Variants in ZCCHC14 observed in about 807,000 individuals in gnomAD.
ZCCHC14 encodes the protein zinc finger CCHC domain-containing protein 14.
Under a neutral mutation model 85.0 loss-of-function variants are expected in ZCCHC14, and 16 were observed. The observed-to-expected ratio is 0.19, with a 90% CI of 0.13 to 0.29. The LOEUF (loss-of-function observed/expected upper bound fraction) is 0.29, where lower values mean the gene tolerates loss of function less well. Among genes scored for constraint, ZCCHC14 ranks in the 10% least tolerant of loss-of-function variants. The pLI is 1.00. For synonymous variants in ZCCHC14, 775 were observed against 630.7 expected (o/e 1.23, Z -3.43); for missense variants, 1,303 against 1,443.5 (o/e 0.90, Z 1.58).
At chr16:87,419,572 A>T (rs1908981613) in intron 6 of ZCCHC14, among the ~76,000 whole-genome samples, 1 of 152,168 alleles carries the variant, frequency 6.6e-6, no homozygotes, top group African/African-American at 2.4e-5. Context: ...AAGTATTGGG[A>T]TTATAGGCGT....
chr16:87,415,159 G>A (rs1230906821), intron 9 of ZCCHC14, 117 bp downstream of exon 9: 3 of 769,448 alleles, frequency 3.9e-6, no homozygotes, highest in Middle Eastern at 2.3e-4. Context: ...GCTAAGGACT[G>A]GATAAGCAAC....
chr16:87,417,826 T>C (rs909202373), intron 7 of ZCCHC14, 84 bp from the exon 8 acceptor site: 7 of 1,437,566 alleles, frequency 4.9e-6, no homozygotes, highest in Non-Finnish European at 6.4e-6. Context: ...TTCCAGGCCT[T>C]TCTGTGCCAG....
In ZCCHC14 at chr16:87,411,790, C is replaced by T. The variant is rs1908456599; in HGVS notation, c.2931G>A (p.Gln977=). 5 of 1,611,172 alleles carry T rather than the reference C, an allele frequency of 3.1e-6. No individual in the cohort carries two copies. Among genetic ancestry groups the T allele is most frequent in the Non-Finnish European group, 4.2e-6 (5 of 1,178,634 alleles). Residue 977 remains glutamine, a synonymous_variant, in exon 12 of 13, where the codon CAG becomes CAA. Transcript: ENST00000671377. ...MCSSGYVSAQ[Q]YGGGSTFPVV... ...CGGGGAAGGTGGAGCCGCCGCCGTA[C>T]TGCTGGGCGCTGACGTAGCCGCTGC... is the stretch of plus-strand genomic sequence containing the variant.
chr16:87,441,603 A>G (rs1910188499), intron 2 of ZCCHC14, among the ~76,000 whole-genome samples: 1 of 152,250 alleles, frequency 6.6e-6, no homozygotes, highest in Admixed American at 6.5e-5. Flanking sequence ...AATCTGAACT[A>G]GAACTCTGAT....
intron 1 of ZCCHC14, among the ~76,000 whole-genome samples, chr16:87,485,590 CAAA>C (rs35083614): frequency 2.0e-5 from 2 of 98,640 alleles, no homozygotes; most frequent in South Asian, 3.6e-4. Context: ...GGCAGTTTTC[CAAA>C]AAAAAAAAAA....
intron 3 of ZCCHC14, among the ~76,000 whole-genome samples, chr16:87,430,678 C>A (rs974660684): frequency 6.6e-6 from 1 of 152,016 alleles, no homozygotes; most frequent in African/African-American, 2.4e-5. Context: ...CCCGCCACCG[C>A]GCCCGGCTAA....
intron 2 of ZCCHC14, among the ~76,000 whole-genome samples, chr16:87,458,004 A>ACAGCTCACATGAGAGT (rs1240610735): frequency 1.3e-5 from 2 of 152,150 alleles, no homozygotes; most frequent in African/African-American, 4.8e-5. Context: ...AGGCTTTGCC[A>ACAGCTCACATGAGAGT]CAGCTCACAT....
chr16:87,437,101 C>G (rs896711756), intron 2 of ZCCHC14, among the ~76,000 whole-genome samples: 1 of 152,022 alleles, frequency 6.6e-6, no homozygotes, highest in African/African-American at 2.4e-5. Context: ...CTTTGGGAGG[C>G]TGAGGCAGGT....
intron 1 of ZCCHC14, among the ~76,000 whole-genome samples, chr16:87,483,118 C>A (rs908230550): frequency 6.6e-6 from 1 of 151,688 alleles, no homozygotes; most frequent in Non-Finnish European, 1.5e-5. Context: ...CAAATACATG[C>A]AATTCCTACT....
chr16:87,432,845 T>C (rs184874144), intron 3 of ZCCHC14, among the ~76,000 whole-genome samples: 32 of 152,248 alleles, frequency 2.1e-4, no homozygotes, highest in Middle Eastern at 3.4e-3. Flanking sequence ...GGCTGCCTCA[T>C]CCAGTTCTGC....
chr16:87,453,445 T>C (rs879529614), intron 2 of ZCCHC14, among the ~76,000 whole-genome samples: 1 of 152,220 alleles, frequency 6.6e-6, no homozygotes, highest in African/African-American at 2.4e-5. Context: ...GCCCTGTCAG[T>C]TCCCCCGTCA....
rs1420860939 is a variant in ZCCHC14 at position 87,484,779 on chromosome 16, T to C, written c.570+6890A>G. Among the ~76,000 whole-genome samples the C allele has an allele frequency of 2.0e-5, 3 of 151,900 alleles. No homozygotes were observed. In the East Asian group the frequency reaches 5.8e-4, roughly 29 times the overall value. On this transcript the variant is annotated intron_variant, in intron 1 of 12. Transcript: ENST00000671377. ...TTTGTTGGCTGGTAGAGGTGAGTGG[T>C]GTTAAAGGTGGGGTTTTGTTGAAAA...
At chr16:87,423,632 C>A (rs1055178793) in intron 4 of ZCCHC14, among the ~76,000 whole-genome samples, 178 bp downstream of exon 4, 1 of 152,248 alleles carries the variant, frequency 6.6e-6, no homozygotes, top group Admixed American at 6.5e-5. Context: ...CCTGTGCTCG[C>A]AGCAACGCTC....
intron 2 of ZCCHC14, among the ~76,000 whole-genome samples, chr16:87,459,325 G>A (rs1362831944): frequency 6.6e-6 from 1 of 151,832 alleles, no homozygotes. Flanking sequence ...TGGGGAGGAG[G>A]GTGTAAAACT....
chr16:87,464,104 G>T lies in ZCCHC14; in HGVS notation c.571-3973C>A, dbSNP rs185740259. ...GCGTTCTCGCACACACACACCGCCT[G>T]CCCACCCTAAAACACTCCAAAGAGA... On this transcript the variant is annotated intron_variant, in intron 1 of 12. Transcript: ENST00000671377. 5.9e-5 allele frequency among the ~76,000 whole-genome samples: 9 copies of T among 152,306 alleles called. No individual in the cohort carries two copies. The East Asian group carries it at 1.5e-3, about 26-fold the overall frequency.
chr16:87,460,990 G>T (rs1230180930), intron 1 of ZCCHC14, among the ~76,000 whole-genome samples: 3 of 152,218 alleles, frequency 2.0e-5, no homozygotes. Context: ...GTGAGAAAAT[G>T]ACCTGATGGG....
chr16:87,467,604 G>A, intron 1 of ZCCHC14: 3 of 1,286,268 alleles, frequency 2.3e-6, no homozygotes, highest in South Asian at 2.4e-5. Flanking sequence ...TCAAGGATCT[G>A]GAGATGACAA....
rs1908500173 is a variant in ZCCHC14, at chr16:87,412,286, G to C, written c.2435C>G (p.Ala812Gly). The C allele has an allele frequency of 6.2e-7, 1 of 1,613,992 alleles. No individual in the cohort carries two copies. Among genetic ancestry groups the C allele is most frequent in the Admixed American group, 1.7e-5 (1 of 60,036 alleles). ...VPPAIINPRTALYTANTKVAF... is the reference protein window; with the variant it reads ...VPPAIINPRTGLYTANTKVAF... ...AACTTTGGTGTTGGCTGTGTACAGA[G>C]CAGTCCGGGGGTTTATTATTGCAGG... is the stretch of plus-strand genomic sequence containing the variant. Residue 812 changes from alanine (A) to glycine (G), a missense_variant, in exon 12 of 13, where the codon GCT (alanine) becomes GGT (glycine). Around this residue, in one of 7 missense-constraint regions of ZCCHC14, gnomAD observed 797 missense variants for 730.8 expected, o/e 1.09. Coordinates refer to ENST00000671377, the MANE Select transcript of ZCCHC14 (RefSeq NM_015144.3).
chr16:87,464,186 A>T (rs748055713), intron 1 of ZCCHC14, among the ~76,000 whole-genome samples: 1 of 152,206 alleles, frequency 6.6e-6, no homozygotes, highest in South Asian at 2.1e-4. Flanking sequence ...AGGGGAGAGG[A>T]GGGCTGAGCA....
Sources: allele counts gnomAD v4.1 joint callset (sites outside exome capture counted in the v4.1 genomes callset), GRCh38; gene constraint gnomAD v4.1.1; regional missense constraint gnomAD v4.1.1; transcripts MANE v1.5; gene names NCBI Gene and HGNC (gene_info 2026-07-23, HGNC 2026-07-21).